Variants in GRIK1 observed in about 807,000 individuals in gnomAD.
GRIK1 encodes the protein glutamate ionotropic receptor kainate type subunit 1, also known as glutamate receptor ionotropic, kainate 1.
Under a neutral mutation model 105.7 loss-of-function variants are expected in GRIK1, and 69 were observed. The ratio of observed to expected loss-of-function variants is 0.65; its 90% confidence interval spans 0.54 to 0.80. The LOEUF (loss-of-function observed/expected upper bound fraction) is 0.80, where lower values mean the gene tolerates loss of function less well. GRIK1 is among the 30% of genes least tolerant of loss of function. GRIK1 has a pLI of 0.00. For synonymous variants in GRIK1, 438 were observed against 431.3 expected (o/e 1.02, Z -0.19); for missense variants, 1,109 against 1,167.3 (o/e 0.95, Z 0.73).
At chr21:29,910,383 G>T (rs985308356) in intron 1 of GRIK1, among the ~76,000 whole-genome samples, 1 of 151,988 alleles carries the variant, frequency 6.6e-6, no homozygotes, top group Non-Finnish European at 1.5e-5. Context: ...GTCAATCTCC[G>T]TAAAGCAAAA....
At chr21:29,774,954 A>G (rs1206265702) in intron 1 of GRIK1, among the ~76,000 whole-genome samples, 1 of 152,128 alleles carries the variant, frequency 6.6e-6, no homozygotes, top group Non-Finnish European at 1.5e-5. Context: ...CCTCTGAATT[A>G]AGTAGCTGGT....
chr21:29,756,424 G>A (rs949629546), intron 1 of GRIK1, among the ~76,000 whole-genome samples: 2 of 152,056 alleles, frequency 1.3e-5, no homozygotes, highest in Non-Finnish European at 2.9e-5. Context: ...CGCCCAGCAC[G>A]GTCAGCTAAT....
chr21:29,862,458 G>T (rs1436193756), intron 1 of GRIK1, among the ~76,000 whole-genome samples: 2 of 118,616 alleles, frequency 1.7e-5, no homozygotes, highest in Non-Finnish European at 3.4e-5. Context: ...CTAATTTATT[G>T]TTTGTCATTC....
intron 9 of GRIK1, among the ~76,000 whole-genome samples, chr21:29,593,578 G>A (rs2061362314): frequency 1.3e-5 from 2 of 152,182 alleles, no homozygotes; most frequent in Admixed American, 6.5e-5. Context: ...AAGAGTGTGT[G>A]TAAATTGGGC....
At chr21:29,566,689 T>A (rs2090618495) in intron 14 of GRIK1, among the ~76,000 whole-genome samples, 2 of 152,192 alleles carry the variant, frequency 1.3e-5, no homozygotes, top group African/African-American at 4.8e-5. Context: ...GTTTATTTAC[T>A]GTGTAGCAAG....
Position 29,691,043 on chromosome 21 carries a change from G to C in GRIK1, c.287-1058C>G, listed in dbSNP as rs966631147. On this transcript the variant is annotated intron_variant, in intron 2 of 17. Transcript: ENST00000327783. ...GCATTCCTATAATATTAAACATTTG[G>C]CTCATGCCTGTAATCCCAGCACTTT... 6.6e-5 allele frequency among the ~76,000 whole-genome samples: 10 copies of C among 152,136 alleles called. No homozygotes were observed. The East Asian group carries it at 1.9e-3, about 29-fold the overall frequency.
At chr21:29,841,139 C>T (rs1453868180) in intron 1 of GRIK1, among the ~76,000 whole-genome samples, 1 of 152,062 alleles carries the variant, frequency 6.6e-6, no homozygotes, top group Non-Finnish European at 1.5e-5. Flanking sequence ...GTATAGTGTA[C>T]ACACACACTA....
intron 1 of GRIK1, among the ~76,000 whole-genome samples, chr21:29,850,457 A>C (rs1029596511): frequency 3.3e-5 from 5 of 152,100 alleles, no homozygotes; most frequent in African/African-American, 7.2e-5. Context: ...CTGCATACAC[A>C]CCCTGTACCC....
intron 1 of GRIK1, among the ~76,000 whole-genome samples, chr21:29,742,544 C>T (rs997882057): frequency 6.6e-6 from 1 of 152,334 alleles, no homozygotes; most frequent in East Asian, 1.9e-4. Flanking sequence ...TAATAAACCT[C>T]ACTGCGTGGT....
intron 1 of GRIK1, among the ~76,000 whole-genome samples, chr21:29,804,867 C>A (rs1471240700): frequency 6.6e-6 from 1 of 152,080 alleles, no homozygotes; most frequent in Middle Eastern, 3.2e-3. Flanking sequence ...CAGGCACTAT[C>A]CTAAACTTTC....
intron 1 of GRIK1, among the ~76,000 whole-genome samples, chr21:29,915,674 C>T (rs1364614944): frequency 1.3e-5 from 2 of 151,990 alleles, no homozygotes; most frequent in Non-Finnish European, 2.9e-5. Context: ...ACCATAGGAT[C>T]TGAGTCTCTG....
chr21:29,674,647 T>A (rs572329476), intron 3 of GRIK1, among the ~76,000 whole-genome samples: 1 of 152,030 alleles, frequency 6.6e-6, no homozygotes, highest in African/African-American at 2.4e-5. Flanking sequence ...AGTGTGGCAC[T>A]TCCCCCCTTG....
intron 6 of GRIK1, among the ~76,000 whole-genome samples, chr21:29,644,158 T>G (rs2062570641): frequency 6.6e-6 from 1 of 152,130 alleles, no homozygotes; most frequent in South Asian, 2.1e-4. Flanking sequence ...TTGGTGGAGG[T>G]AGAAAGTGAG....
At chr21:29,750,138 C>T (rs1460160677) in intron 1 of GRIK1, among the ~76,000 whole-genome samples, 1 of 151,882 alleles carries the variant, frequency 6.6e-6, no homozygotes, top group African/African-American at 2.4e-5. Flanking sequence ...AGGGAAGCAT[C>T]TTTTTGCGGC....
intron 1 of GRIK1, among the ~76,000 whole-genome samples, chr21:29,820,875 A>G (rs959266930): frequency 1.3e-5 from 2 of 152,012 alleles, no homozygotes; most frequent in African/African-American, 4.8e-5. Context: ...AACCTTACCC[A>G]AGTTTACCCA....
intron 16 of GRIK1, among the ~76,000 whole-genome samples, chr21:29,552,195 A>G (rs1282596030): frequency 1.3e-5 from 2 of 152,114 alleles, no homozygotes; most frequent in Non-Finnish European, 2.9e-5. Context: ...CACAGATGGC[A>G]TATCTCTACT....
At chr21:29,911,550 T>A (rs1331510063) in intron 1 of GRIK1, among the ~76,000 whole-genome samples, 1 of 152,088 alleles carries the variant, frequency 6.6e-6, no homozygotes, top group African/African-American at 2.4e-5. Flanking sequence ...CTCTGATTGC[T>A]ATAGACTGAA....
chr21:29,723,398 G>A (rs1464739740), intron 1 of GRIK1, among the ~76,000 whole-genome samples: 1 of 152,130 alleles, frequency 6.6e-6, no homozygotes, highest in Non-Finnish European at 1.5e-5. Flanking sequence ...CTTTCATCAT[G>A]CTTTACAGAT....
In GRIK1 at chr21:29,828,005, CTCTCTCTG is replaced by C. The variant is rs1569137159; in HGVS notation, c.118+111370_118+111377del. Among the ~76,000 whole-genome samples the C allele has an allele frequency of 2.1e-3, 161 of 75,444 alleles. 1 individual carries two copies. The highest frequency in any genetic ancestry group is 0.013 in the East Asian group (16 of 1,238). The allele number at this position is 75,444 out of a possible 152,430, so 49.5% of individuals were successfully genotyped here. On this transcript the variant is annotated intron_variant, in intron 1 of 17. Coordinates refer to ENST00000327783, the MANE Select transcript of GRIK1 (RefSeq NM_001330994.2). ...TCTCTCTCTCTCTCTCTCTCTCTGT[CTCTCTCTG>C]TGTGTGTGTGTGTGTGTGTGTGGGT...
Sources: allele counts gnomAD v4.1 joint callset (sites outside exome capture counted in the v4.1 genomes callset), GRCh38; gene constraint gnomAD v4.1.1; transcripts MANE v1.5; gene names NCBI Gene and HGNC (gene_info 2026-07-23, HGNC 2026-07-21).